The following NLRC4 variants were observed in gnomAD, a reference collection of about 807,000 sequenced individuals.
NLRC4 encodes NLR family CARD domain-containing protein 4.
NLRC4 carries 63 observed loss-of-function variants against 79.9 expected under a neutral mutation model. That is an observed-to-expected ratio of 0.79 (90% CI 0.64 to 0.97). The LOEUF (loss-of-function observed/expected upper bound fraction) is 0.97. NLRC4 is among the 50% of genes least tolerant of loss of function. NLRC4 has a pLI of 0.00. For missense variants in NLRC4, 1,074 were observed against 1,215.2 expected (o/e 0.88, Z 1.73); for synonymous variants, 461 against 456.5 (o/e 1.01, Z -0.12).
chr2:32,257,619 A>C (rs1266010227), intron 1 of NLRC4, among the ~76,000 whole-genome samples: 5 of 151,818 alleles, frequency 3.3e-5, no homozygotes, highest in African/African-American at 1.2e-4. Context: ...AAAGAAAAAA[A>C]AAAAAAAAAA....
chr2:32,226,635 C>T (rs190268519), intron 8 of NLRC4, among the ~76,000 whole-genome samples: 1 of 152,314 alleles, frequency 6.6e-6, no homozygotes, highest in East Asian at 1.9e-4. Flanking sequence ...AATCCCAGCA[C>T]TTTGGGAGGC....
intron 1 of NLRC4, among the ~76,000 whole-genome samples, chr2:32,261,808 C>T (rs796571812): frequency 6.6e-6 from 1 of 152,060 alleles, no homozygotes; most frequent in African/African-American, 2.4e-5. Context: ...AGCAGCCAGG[C>T]GCGGTGGCTC....
At chr2:32,240,125 T>C (rs1189504562) in intron 5 of NLRC4, among the ~76,000 whole-genome samples, 1 of 152,050 alleles carries the variant, frequency 6.6e-6, no homozygotes, top group Non-Finnish European at 1.5e-5. Flanking sequence ...GCATTACAGG[T>C]GCATACCACC....
At chr2:32,247,313 T>G (rs1686959838) in intron 4 of NLRC4, among the ~76,000 whole-genome samples, 7 of 149,218 alleles carry the variant, frequency 4.7e-5, no homozygotes, top group Admixed American at 4.7e-4. Context: ...TTATTTTTTT[T>G]AATTTTTTTT....
In NLRC4 at chr2:32,245,184, G is replaced by A. The variant is rs1352354194; in HGVS notation, c.2258-4059C>T. On this transcript the variant is annotated intron_variant, in intron 4 of 8. Transcript: ENST00000402280. Reference sequence around the variant, plus strand: ...AAATTAGCCAGGCGTGTTATTGGGCGCCTGTAATCCCAGCTACTCAGGAGG... The same window carrying A: ...AAATTAGCCAGGCGTGTTATTGGGCACCTGTAATCCCAGCTACTCAGGAGG... Among the ~76,000 whole-genome samples the A allele has an allele frequency of 2.0e-5, 3 of 151,794 alleles. No homozygotes were observed. The East Asian group carries it at 5.8e-4, about 29-fold the overall frequency.
chr2:32,262,901 C>A (rs1431364585), intron 1 of NLRC4, among the ~76,000 whole-genome samples: 3 of 151,596 alleles, frequency 2.0e-5, no homozygotes, highest in Non-Finnish European at 2.9e-5. Flanking sequence ...GTCCTTCCCC[C>A]ACATTTGTAC....
chr2:32,245,470 G>T (rs1375071338), intron 4 of NLRC4, among the ~76,000 whole-genome samples: 1 of 152,060 alleles, frequency 6.6e-6, no homozygotes, highest in Non-Finnish European at 1.5e-5. Context: ...GTTACCAGAG[G>T]CTGGGAAGGG....
At chr2:32,245,004 C>T (rs1223936962) in intron 4 of NLRC4, among the ~76,000 whole-genome samples, 1 of 150,874 alleles carries the variant, frequency 6.6e-6, no homozygotes, top group African/African-American at 2.5e-5. Flanking sequence ...GGAGGCTGAG[C>T]ATTATGTAGA....
chr2:32,231,853 C>A (rs1324493112), intron 8 of NLRC4, among the ~76,000 whole-genome samples: 1 of 152,204 alleles, frequency 6.6e-6, no homozygotes, highest in African/African-American at 2.4e-5. Flanking sequence ...AGCCACCACA[C>A]CCAGCCTTAG....
chr2:32,262,793 A>C (rs1159191743), intron 1 of NLRC4, among the ~76,000 whole-genome samples: 3 of 151,576 alleles, frequency 2.0e-5, no homozygotes. Flanking sequence ...AAAAAAAAAG[A>C]ATAGGACTGA....
intron 8 of NLRC4, among the ~76,000 whole-genome samples, chr2:32,233,347 A>ATTTTTTT (rs1453870780): frequency 2.2e-5 from 1 of 45,642 alleles, no homozygotes; most frequent in Admixed American, 2.6e-4. Context: ...ATATATATAT[A>ATTTTTTT]TATTTTTTTT....
At position 32,252,551 on chromosome 2, in the gene NLRC4, C is replaced by A; in HGVS notation, c.130G>T (p.Glu44Ter). ...NREEVNIICC[E>*]KVEQDAARGI... is the part of the protein sequence containing the mutation. The stretch of plus-strand genomic sequence containing the variant: ...CTAGCAGCATCCTGCTCCACCTTCT[C>A]GCAGCAAATGATGTTTACTTCTTCG... Residue 44 changes from glutamate to a stop codon, truncating the protein, a stop_gained, in exon 3 of 9, where the codon GAG becomes TAG. Coordinates refer to ENST00000402280, the MANE Select transcript of NLRC4 (RefSeq NM_001199138.2). LOFTEE classifies it high-confidence loss of function. 2.5e-6 allele frequency: 4 copies of A among 1,614,196 alleles called. No homozygotes were observed. Among genetic ancestry groups the A allele is most frequent in the Non-Finnish European group, 3.4e-6 (4 of 1,180,020 alleles).
chr2:32,262,968 G>A (rs930198408), intron 1 of NLRC4, among the ~76,000 whole-genome samples: 4 of 151,118 alleles, frequency 2.6e-5, no homozygotes, highest in East Asian at 3.9e-4. Flanking sequence ...TGCCTGCCTC[G>A]GCCTCCCAAA....
chr2:32,233,351 T>TATATATATA (rs1448102690), intron 8 of NLRC4, among the ~76,000 whole-genome samples: 9 of 22,600 alleles, frequency 4.0e-4, no homozygotes, highest in African/African-American at 1.3e-3. Flanking sequence ...ATATATATAT[T>TATATATATA]TTTTTTTTTT....
chr2:32,248,872 G>T (rs1423665076), intron 4 of NLRC4, among the ~76,000 whole-genome samples: 1 of 152,192 alleles, frequency 6.6e-6, no homozygotes, highest in Non-Finnish European at 1.5e-5. Flanking sequence ...AATATTGATA[G>T]TTGTGAATAT....
Position 32,250,213 on chromosome 2 carries a change from T to C in NLRC4, c.1651A>G (p.Ile551Val), listed in dbSNP as rs781002536. Residue 551 changes from isoleucine (I) to valine (V), a missense_variant, in exon 4 of 9, where the codon ATC becomes GTC. Ile to Val is a conservative substitution (Grantham distance 29, BLOSUM62 3). Transcript: ENST00000402280. The surrounding 1 kb of genome is among the most constrained non-coding windows in gnomAD (Gnocchi z 4.9). Reference protein sequence around the residue: ...TEQEILKAININSFVECGIHL... With the variant: ...TEQEILKAINVNSFVECGIHL... ...ATGCCACACTCTACAAAGGAATTGA[T>C]GTTTATGGCTTTCAGAATTTCTTGC... 3 of 1,614,246 alleles carry C rather than the reference T, an allele frequency of 1.9e-6. No homozygotes were observed. The highest frequency in any genetic ancestry group is 2.5e-6 in the Non-Finnish European group (3 of 1,180,048).
chr2:32,257,468 G>A (rs1253290113), intron 1 of NLRC4, among the ~76,000 whole-genome samples: 2 of 152,136 alleles, frequency 1.3e-5, no homozygotes, highest in South Asian at 2.1e-4. Flanking sequence ...TTAGCGGGGC[G>A]TGGTGGCACA....
intron 4 of NLRC4, among the ~76,000 whole-genome samples, chr2:32,244,845 GGA>G (rs1204049563): frequency 4.6e-5 from 7 of 151,048 alleles, no homozygotes; most frequent in African/African-American, 9.7e-5. Flanking sequence ...AGGAGGAGAG[GGA>G]GAGAGGGGGA....
intron 4 of NLRC4, among the ~76,000 whole-genome samples, chr2:32,242,501 A>T (rs890283653): frequency 6.6e-6 from 1 of 152,242 alleles, no homozygotes; most frequent in Non-Finnish European, 1.5e-5. Context: ...GCTATTAAAG[A>T]AATTGAATTT....
Sources: gnomAD v4.1 joint callset for allele counts (sites outside exome capture counted in the v4.1 genomes callset) on GRCh38, gnomAD v4.1.1 for gene constraint, Gnocchi (gnomAD v3.1) non-coding constraint, MANE v1.5 for transcripts, NCBI Gene and HGNC (gene_info 2026-07-23, HGNC 2026-07-21) for gene names.